Variants in CASK observed in about 807,000 individuals in gnomAD.
CASK encodes the protein peripheral plasma membrane protein CASK.
CASK carries 4 observed loss-of-function variants against 82.9 expected under a neutral mutation model. The ratio of observed to expected loss-of-function variants is 0.05; its 90% CI spans 0.02 to 0.11. The LOEUF is 0.11. CASK is among the 10% of genes least tolerant of loss of function. The pLI, the probability that CASK is intolerant of heterozygous loss-of-function variation, is 1.00. For synonymous variants in CASK, 259 were observed against 253.5 expected (o/e 1.02, Z -0.20); for missense variants, 358 against 720.9 (o/e 0.50, Z 5.76).
intron 4 of CASK, chrX:41,743,438 GAA>G (rs930022134): frequency 3.8e-6 from 1 of 263,481 alleles, no homozygotes; most frequent in Non-Finnish European, 6.7e-6. Flanking sequence ...TTGCACAAAA[GAA>G]AAGAGAATAT....
intron 7 of CASK, among the ~76,000 whole-genome samples, chrX:41,661,677 T>C (rs1332425367): frequency 9.1e-6 from 1 of 109,326 alleles, no homozygotes; most frequent in African/African-American, 3.3e-5. Flanking sequence ...TGTGCTTCAT[T>C]TTTCCCCCCA....
At chrX:41,615,401 T>C (rs997231423) in intron 11 of CASK, among the ~76,000 whole-genome samples, 14 of 111,433 alleles carry the variant, frequency 1.3e-4, no homozygotes, top group African/African-American at 4.6e-4. Flanking sequence ...GTGAAGAAAT[T>C]AGTCCCAAAT....
intron 2 of CASK, among the ~76,000 whole-genome samples, chrX:41,833,288 C>T (rs2070861914): frequency 8.9e-6 from 1 of 111,861 alleles, no homozygotes; most frequent in Admixed American, 9.5e-5. Context: ...TATATATCTA[C>T]ACAATGGAAT....
In CASK at chrX:41,816,806, C is replaced by T. The variant is rs185171016; in HGVS notation, c.173-29523G>A. ...AGAAACAACCAAACCTCACTTAAGA[C>T]GAAATAAACTGAATATTCCTATAAC... On this transcript the variant is annotated intron_variant, in intron 2 of 26. Coordinates refer to ENST00000378163, the MANE Select transcript of CASK (RefSeq NM_001367721.1). Among the ~76,000 whole-genome samples, 11 of 111,429 alleles carry T rather than the reference C, an allele frequency of 9.9e-5. No homozygotes were observed. In the East Asian group the frequency reaches 2.2e-3, roughly 23 times the overall value.
intron 5 of CASK, chrX:41,727,989 T>C (rs760167537): frequency 4.4e-6 from 5 of 1,147,931 alleles, no homozygotes; most frequent in South Asian, 1.9e-5. Flanking sequence ...AGACACTATA[T>C]AATCTCTTTA....
intron 5 of CASK, among the ~76,000 whole-genome samples, chrX:41,732,732 G>T (rs974600472): frequency 2.8e-5 from 3 of 108,677 alleles, no homozygotes; most frequent in Non-Finnish European, 5.7e-5. Flanking sequence ...ATAAGCAAAA[G>T]AATTTTTTTT....
In CASK at chrX:41,835,806, T is replaced by G. The variant is rs1325700570; in HGVS notation, c.172+17309A>C. 6.2e-5 allele frequency among the ~76,000 whole-genome samples: 7 copies of G among 112,346 alleles called. No homozygotes were observed. In the East Asian group the frequency reaches 1.9e-3, roughly 31 times the overall value. ...GTTTTCTTTTCCCATGCAGTTGATCTCAAGCATAATCACTATAAATTGTCT... is the reference window on the plus strand; with the variant it reads ...GTTTTCTTTTCCCATGCAGTTGATCGCAAGCATAATCACTATAAATTGTCT... On this transcript the variant is annotated intron_variant, in intron 2 of 26. Transcript: ENST00000378163.
intron 3 of CASK, among the ~76,000 whole-genome samples, chrX:41,759,635 C>T (rs940070007): frequency 2.7e-5 from 3 of 111,605 alleles, no homozygotes; most frequent in Non-Finnish European, 3.8e-5. Flanking sequence ...CCCTACACAT[C>T]GGTTTTAGGC....
At position 41,745,562 on chromosome X, in the gene CASK, T is replaced by A. The variant is rs1202151551; in HGVS notation, c.318A>T (p.Arg106=). 7 of 1,205,684 alleles carry A rather than the reference T, an allele frequency of 5.8e-6. No individual in the cohort carries two copies. The highest frequency in any genetic ancestry group is 5.6e-6 in the Non-Finnish European group (5 of 890,224). ...CACTGTACACAAAACCAGCGTCAGC[T>A]CGCTTTACGATTTCAAAACACAGAT... ...GADLCFEIVK[R]ADAGFVYSEA... Residue 106 remains arginine (R), a synonymous_variant, in exon 4 of 27, where the codon CGA becomes CGT. Coordinates refer to ENST00000378163, the MANE Select transcript of CASK (RefSeq NM_001367721.1).
At chrX:41,894,096 T>C (rs1338771012) in intron 1 of CASK, among the ~76,000 whole-genome samples, 1 of 111,567 alleles carries the variant, frequency 9.0e-6, no homozygotes, top group Non-Finnish European at 1.9e-5. Flanking sequence ...GACTTTAAAT[T>C]AGCTATTATA....
At chrX:41,859,394 A>C (rs1370891330) in intron 1 of CASK, among the ~76,000 whole-genome samples, 3 of 111,687 alleles carry the variant, frequency 2.7e-5, no homozygotes, top group Non-Finnish European at 5.6e-5. Flanking sequence ...CCCCCAAATC[A>C]ACAGTCATGG....
At chrX:41,721,970 A>T (rs2068176432) in intron 5 of CASK, among the ~76,000 whole-genome samples, 1 of 112,197 alleles carries the variant, frequency 8.9e-6, no homozygotes, top group Non-Finnish European at 1.9e-5. Context: ...GAATCTGCTC[A>T]ATTTCCAGAG....
intron 24 of CASK, among the ~76,000 whole-genome samples, chrX:41,532,814 T>C (rs1287458492): frequency 9.0e-6 from 1 of 110,914 alleles, no homozygotes; most frequent in Non-Finnish European, 1.9e-5. Context: ...GGCGTTACTA[T>C]TTATTTATTT....
intron 7 of CASK, among the ~76,000 whole-genome samples, chrX:41,663,072 A>T (rs958957361): frequency 1.3e-4 from 14 of 110,584 alleles, no homozygotes; most frequent in African/African-American, 4.3e-4. Flanking sequence ...TCCTGAGCTC[A>T]AGTGAGCCCA....
Position 41,690,679 on chromosome X carries a change from G to A in CASK, c.430-19149C>T, listed in dbSNP as rs764880709. Among the ~76,000 whole-genome samples, 237 of 94,891 alleles carry A rather than the reference G, an allele frequency of 2.5e-3. 1 individual carries two copies. The highest frequency in any genetic ancestry group is 0.014 in the South Asian group (27 of 1,985). The allele number at this position is 94,891 out of a possible 115,157, so 82.4% of individuals were successfully genotyped here. On this transcript the variant is annotated intron_variant, in intron 5 of 26. Coordinates refer to ENST00000378163, the MANE Select transcript of CASK (RefSeq NM_001367721.1). ...CCCGGCCAATTTTTTTTTTTTTTATGTTCTTTTTTTTTGAGACAAGGTCTT... is the reference window on the plus strand; with the variant it reads ...CCCGGCCAATTTTTTTTTTTTTTATATTCTTTTTTTTTGAGACAAGGTCTT...
At chrX:41,840,063 C>T (rs1050661644) in intron 2 of CASK, among the ~76,000 whole-genome samples, 1 of 111,862 alleles carries the variant, frequency 8.9e-6, no homozygotes, top group Non-Finnish European at 1.9e-5. Flanking sequence ...GGTGTCTATT[C>T]TGAATCTTTT....
At chrX:41,657,318 T>C (rs1353074492) in intron 8 of CASK, among the ~76,000 whole-genome samples, 1 of 112,259 alleles carries the variant, frequency 8.9e-6, no homozygotes, top group Non-Finnish European at 1.9e-5. Context: ...AGCTCAATTA[T>C]ATCAGGTGTC....
chrX:41,791,534 C>T (rs1209874295), intron 2 of CASK, among the ~76,000 whole-genome samples: 1 of 109,661 alleles, frequency 9.1e-6, no homozygotes, highest in African/African-American at 3.3e-5. Context: ...ACCAGCCTGA[C>T]CAATATGGTG....
intron 2 of CASK, among the ~76,000 whole-genome samples, chrX:41,839,568 C>T (rs1392168405): frequency 9.8e-6 from 1 of 102,302 alleles, no homozygotes; most frequent in Non-Finnish European, 2.0e-5. Context: ...AATTTTTCTG[C>T]GTAGACTGTC....
Sources: gnomAD v4.1 joint callset for allele counts (sites outside exome capture counted in the v4.1 genomes callset) on GRCh38, gnomAD v4.1.1 for gene constraint, MANE v1.5 for transcripts, NCBI Gene and HGNC (gene_info 2026-07-23, HGNC 2026-07-21) for gene names.